Variants in CCDC191 observed in about 807,000 individuals in gnomAD.
The protein encoded by CCDC191 is coiled-coil domain-containing protein 191.
Under a neutral mutation model 114.0 loss-of-function variants are expected in CCDC191, and 99 were observed. The observed-to-expected ratio is 0.87, with a 90% CI of 0.74 to 1.03. The LOEUF is 1.03. Ranked by LOEUF, CCDC191 falls within the 50% of genes least tolerant of loss-of-function variation. The probability of loss-of-function intolerance (pLI) is 0.00; values close to 1 mark genes in which losing one functional copy is unlikely to be tolerated. For synonymous variants in CCDC191, 351 were observed against 376.0 expected, an observed-to-expected ratio of 0.93 and a Z score of 0.77; for missense variants, 973 against 1,087.0, an observed-to-expected ratio of 0.90 and a Z score of 1.47.
chr3:114,008,717 A>G (rs2076016649), intron 9 of CCDC191, among the ~76,000 whole-genome samples: 1 of 152,178 alleles, frequency 6.6e-6, no homozygotes, highest in South Asian at 2.1e-4. Context: ...ATAGTCTTAA[A>G]ATATAAAGAA....
At chr3:114,033,479 G>A (rs751585385) in intron 6 of CCDC191, among the ~76,000 whole-genome samples, 1 of 151,954 alleles carries the variant, frequency 6.6e-6, no homozygotes, top group Admixed American at 6.6e-5. Flanking sequence ...ACTATTTTAC[G>A]GCTCTTGTTG....
At chr3:113,973,215 A>G (rs1940994644) in intron 16 of CCDC191, among the ~76,000 whole-genome samples, 1 of 152,080 alleles carries the variant, frequency 6.6e-6, no homozygotes, top group Non-Finnish European at 1.5e-5. Context: ...GAAATCCCCC[A>G]ACATTTTGAC....
intron 13 of CCDC191, among the ~76,000 whole-genome samples, chr3:114,001,045 C>T (rs1287094281): frequency 6.6e-6 from 1 of 152,126 alleles, no homozygotes; most frequent in African/African-American, 2.4e-5. Context: ...CTTATCTTCC[C>T]AAGCAGAATT....
At position 114,056,363 on chromosome 3, in the gene CCDC191, T is replaced by A; in HGVS notation, c.90+14A>T. On this transcript the variant is annotated intron_variant, in intron 1 of 16. Coordinates refer to ENST00000295878, the MANE Select transcript of CCDC191 (RefSeq NM_020817.2). Reference sequence around the variant, plus strand: ...GGAAAGTCCCCGCCCTCCAAAGCTCTCGATTGGGATCACCTTGGGACTCGG... The same window carrying A: ...GGAAAGTCCCCGCCCTCCAAAGCTCACGATTGGGATCACCTTGGGACTCGG... 1 of 1,613,706 alleles carries A rather than the reference T, an allele frequency of 6.2e-7. No individual in the cohort carries two copies. Among genetic ancestry groups the A allele is most frequent in the Non-Finnish European group, 8.5e-7 (1 of 1,179,640 alleles).
At chr3:114,022,861 C>A (rs555545505) in intron 7 of CCDC191, among the ~76,000 whole-genome samples, 1 of 152,026 alleles carries the variant, frequency 6.6e-6, no homozygotes, top group East Asian at 1.9e-4. Flanking sequence ...CTGGCCAGGG[C>A]AATCAGGCAG....
rs1245491871 is a variant in CCDC191 at position 114,010,904 on chromosome 3, C to T, written c.1281G>A (p.Glu427=). 1.9e-6 allele frequency: 3 copies of T among 1,614,122 alleles called. No individual in the cohort carries two copies. Among genetic ancestry groups the T allele is most frequent in the Non-Finnish European group, 2.5e-6 (3 of 1,179,958 alleles). ...GTGCATCCATCTTCTTCCTAGTTTC[C>T]TCTTTTGTGAGAGCCAGCTCTCTCT... The part of the protein sequence containing the change: ...LLKRELALTK[E]ETRKKMDALL... The change falls in exon 9 of 17, where the codon GAG becomes GAA. Residue 427 remains glutamate (E), a synonymous_variant. Coordinates refer to ENST00000295878, the MANE Select transcript of CCDC191 (RefSeq NM_020817.2).
intron 13 of CCDC191, among the ~76,000 whole-genome samples, chr3:113,983,202 G>C (rs552407185): frequency 1.3e-5 from 2 of 152,080 alleles, no homozygotes; most frequent in South Asian, 4.1e-4. Context: ...TTTTTCTCTT[G>C]GTGTTTTGAT....
intron 7 of CCDC191, among the ~76,000 whole-genome samples, chr3:114,028,731 T>C (rs1323964277): frequency 6.6e-6 from 1 of 151,278 alleles, no homozygotes; most frequent in Non-Finnish European, 1.5e-5. Flanking sequence ...TGCTGGATTA[T>C]CCTTGACAAT....
At chr3:114,032,999 T>A (rs1002942441) in intron 6 of CCDC191, among the ~76,000 whole-genome samples, 1 of 152,154 alleles carries the variant, frequency 6.6e-6, no homozygotes, top group Non-Finnish European at 1.5e-5. Context: ...ACTGATTTTT[T>A]AAAATAACAT....
intron 13 of CCDC191, among the ~76,000 whole-genome samples, chr3:113,998,976 G>A (rs1452634376): frequency 6.6e-6 from 1 of 152,268 alleles, no homozygotes; most frequent in East Asian, 1.9e-4. Context: ...TCCAGAACCA[G>A]GTGGATTGAT....
At chr3:113,993,547 A>G (rs1222487819) in intron 13 of CCDC191, among the ~76,000 whole-genome samples, 1 of 152,196 alleles carries the variant, frequency 6.6e-6, no homozygotes, top group Non-Finnish European at 1.5e-5. Context: ...GTCCATATAA[A>G]AAATAAATTA....
At chr3:114,050,616 G>A (rs998243832) in intron 2 of CCDC191, among the ~76,000 whole-genome samples, 1 of 152,164 alleles carries the variant, frequency 6.6e-6, no homozygotes, top group Non-Finnish European at 1.5e-5. Context: ...AGGGATCAAC[G>A]TGAGTCAAAG....
rs2075004862 is a variant in CCDC191, at chr3:113,978,251, GTTAAACC to G, written c.2534_2540del (p.Trp845SerfsTer6). ...AATCGATCTTCACCTCCCTGACCATGTTAAACCAGGCCCTGAAAATCTTCTTTTGAAG... is the reference window on the plus strand; with the variant it reads ...AATCGATCTTCACCTCCCTGACCATGAGGCCCTGAAAATCTTCTTTTGAAG... On this transcript the variant is annotated frameshift_variant, in exon 16 of 17. Coordinates refer to ENST00000295878, the MANE Select transcript of CCDC191 (RefSeq NM_020817.2). LOFTEE classifies it high-confidence loss of function. The G allele has an allele frequency of 1.2e-6, 2 of 1,613,856 alleles. No individual in the cohort carries two copies. The highest frequency in any genetic ancestry group is 3.3e-5 in the Admixed American group (2 of 59,972).
At chr3:113,979,118 G>A in intron 14 of CCDC191, 108 bp from the exon 15 acceptor site, 1 of 1,004,134 alleles carries the variant, frequency 1.0e-6, no homozygotes, top group African/African-American at 1.6e-5. Flanking sequence ...GCAGTCGGTA[G>A]AGAATAATCT....
chr3:114,000,746 G>A (rs2075840509), intron 13 of CCDC191, among the ~76,000 whole-genome samples: 1 of 151,938 alleles, frequency 6.6e-6, no homozygotes, highest in Non-Finnish European at 1.5e-5. Flanking sequence ...GAACTCCTGG[G>A]CTCAAGGATT....
At chr3:114,005,390 T>G in intron 10 of CCDC191, 118 bp downstream of exon 10, 1 of 989,530 alleles carries the variant, frequency 1.0e-6, no homozygotes, top group Admixed American at 2.5e-5. Context: ...GCTTTGAGAG[T>G]GCAAAATCAA....
At chr3:114,023,543 A>G (rs1169132154) in intron 7 of CCDC191, among the ~76,000 whole-genome samples, 2 of 152,212 alleles carry the variant, frequency 1.3e-5, no homozygotes, top group Non-Finnish European at 2.9e-5. Context: ...GCCCTCAGAA[A>G]TAATGTGACA....
chr3:113,970,717 G>GC (rs1388644345), intron 16 of CCDC191, among the ~76,000 whole-genome samples: 5 of 147,616 alleles, frequency 3.4e-5, no homozygotes, highest in African/African-American at 1.2e-4. Context: ...ATCCCTCCCC[G>GC]TCCCCCCACC....
chr3:113,997,531 G>C (rs1254007613), intron 13 of CCDC191, among the ~76,000 whole-genome samples: 1 of 152,014 alleles, frequency 6.6e-6, no homozygotes, highest in African/African-American at 2.4e-5. Flanking sequence ...CATGAGGGCA[G>C]GGCAATGAAA....
Sources: gnomAD v4.1 joint callset for allele counts (sites outside exome capture counted in the v4.1 genomes callset) on GRCh38, gnomAD v4.1.1 for gene constraint, MANE v1.5 for transcripts, NCBI Gene and HGNC (gene_info 2026-07-23, HGNC 2026-07-21) for gene names.